Variants in NCKAP5 observed in about 807,000 individuals in gnomAD.
The protein encoded by NCKAP5 is NCK associated protein 5.
Under a neutral mutation model 167.0 loss-of-function variants are expected in NCKAP5, and 92 were observed. The ratio of observed to expected loss-of-function variants is 0.55; its 90% CI spans 0.47 to 0.66. NCKAP5 has a LOEUF of 0.66. NCKAP5 is among the 30% of genes least tolerant of loss of function. The pLI is 0.00. For synonymous variants in NCKAP5, 891 were observed against 877.4 expected (o/e 1.02, Z -0.27); for missense variants, 2,378 against 2,315.0 (o/e 1.03, Z -0.56).
chr2:133,465,434 G>C (rs1456351128), intron 3 of NCKAP5, among the ~76,000 whole-genome samples: 6 of 151,638 alleles, frequency 4.0e-5, no homozygotes, highest in Admixed American at 2.0e-4. Flanking sequence ...TTGGTTCCAA[G>C]TCTTTGCTAT....
intron 19 of NCKAP5, among the ~76,000 whole-genome samples, chr2:132,684,474 C>A (rs1260536382): frequency 6.6e-6 from 1 of 152,192 alleles, no homozygotes; most frequent in Non-Finnish European, 1.5e-5. Flanking sequence ...GATCGCCCAG[C>A]CTTTCCAGCT....
intron 7 of NCKAP5, among the ~76,000 whole-genome samples, chr2:132,967,127 G>A (rs1029028290): frequency 6.7e-6 from 1 of 150,286 alleles, no homozygotes; most frequent in African/African-American, 2.5e-5. Context: ...TGCAAATGCA[G>A]AATCTGCAAA....
At chr2:133,623,230 C>T in the NCKAP5 span, among the ~76,000 whole-genome samples, 1 of 152,180 alleles carries the variant, frequency 6.6e-6, no homozygotes, top group East Asian at 1.9e-4. Context: ...CTCTTCTAGA[C>T]ATTGGCTTAG....
intron 2 of NCKAP5, among the ~76,000 whole-genome samples, chr2:133,546,744 TGA>T (rs1419540159): frequency 6.6e-6 from 1 of 152,174 alleles, no homozygotes; most frequent in East Asian, 1.9e-4. Flanking sequence ...ATGAAAACTC[TGA>T]GAGACATAAT....
At chr2:133,299,774 T>G (rs1316406128) in intron 4 of NCKAP5, among the ~76,000 whole-genome samples, 1 of 152,086 alleles carries the variant, frequency 6.6e-6, no homozygotes, top group South Asian at 2.1e-4. Context: ...AATCAATGAC[T>G]TTAGGGGCTT....
chr2:133,570,107 G>A (rs147716809), upstream of NCKAP5, among the ~76,000 whole-genome samples: 826 of 152,336 alleles, frequency 5.4e-3, 6 homozygotes, highest in Middle Eastern at 0.024. Context: ...GAAGTAGGTT[G>A]TTGCTTACTG....
At chr2:133,492,162 T>TGTGTGTGTGTGTGTGTGTGTGTGTGC (rs1681519214) in intron 3 of NCKAP5, among the ~76,000 whole-genome samples, 2 of 151,916 alleles carry the variant, frequency 1.3e-5, no homozygotes, top group Non-Finnish European at 2.9e-5. Context: ...TGTGTGTGTG[T>TGTGTGTGTGTGTGTGTGTGTGTGTGC]GTGTGTGTTA....
Position 133,234,804 on chromosome 2 carries a change from C to T in NCKAP5, c.144-21025G>A, listed in dbSNP as rs147002811. 5.6e-3 allele frequency among the ~76,000 whole-genome samples: 846 copies of T among 151,618 alleles called. 8 individuals are homozygous for T. The highest frequency in any genetic ancestry group is 0.02 in the African/African-American group (810 of 41,402). On this transcript the variant is annotated intron_variant, in intron 4 of 19. Transcript: ENST00000409261. ...AGTTTTAAAGACTGACTTTACTTTT[C>T]AGAAAGATGAAAAATGTTAAGGAAA...
chr2:133,603,121 G>T, the NCKAP5 span, among the ~76,000 whole-genome samples: 1 of 151,912 alleles, frequency 6.6e-6, no homozygotes, highest in Non-Finnish European at 1.5e-5. Flanking sequence ...GGCAGGAGGT[G>T]AACTACAGAA....
chr2:133,276,363 T>G (rs2089731093), intron 4 of NCKAP5, among the ~76,000 whole-genome samples: 1 of 152,082 alleles, frequency 6.6e-6, no homozygotes, highest in Admixed American at 6.6e-5. Context: ...CTAACTCCTA[T>G]GTTGTTCAAG....
chr2:132,765,328 T>C (rs1330840488), intron 16 of NCKAP5, among the ~76,000 whole-genome samples: 1 of 149,746 alleles, frequency 6.7e-6, no homozygotes, highest in Non-Finnish European at 1.5e-5. Flanking sequence ...TTTTTTTTTT[T>C]TGAGACGGAG....
intron 3 of NCKAP5, among the ~76,000 whole-genome samples, chr2:133,403,858 T>C (rs1032712605): frequency 2.6e-5 from 4 of 151,950 alleles, no homozygotes; most frequent in African/African-American, 9.7e-5. Context: ...ATCAGTGGGG[T>C]TCCCATAAGC....
chr2:133,371,411 CAT>C (rs1166616729), intron 3 of NCKAP5, among the ~76,000 whole-genome samples: 2 of 152,204 alleles, frequency 1.3e-5, no homozygotes, highest in Non-Finnish European at 1.5e-5. Context: ...TTTAGATTTC[CAT>C]GAAAAGGAAT....
intron 5 of NCKAP5, among the ~76,000 whole-genome samples, chr2:133,142,627 G>A (rs987719705): frequency 1.3e-5 from 2 of 152,028 alleles, no homozygotes; most frequent in Non-Finnish European, 2.9e-5. Context: ...TTTTCCACAT[G>A]GACACATTAA....
rs760757641 is a variant in NCKAP5, at chr2:133,037,759, T to C, written c.342-43520A>G. 4.3e-4 allele frequency among the ~76,000 whole-genome samples: 66 copies of C among 152,040 alleles called. 2 individuals carry two copies. Among genetic ancestry groups the C allele is most frequent in the South Asian group, 2.1e-4 (1 of 4,830 alleles). On this transcript the variant is annotated intron_variant, in intron 6 of 19. Coordinates refer to ENST00000409261, the MANE Select transcript of NCKAP5 (RefSeq NM_207363.3). ...CAAACAATTCTTGAGCAATACCCCA[T>C]AAGCACAGGTTACCAAAGCAAAAAT...
intron 11 of NCKAP5, among the ~76,000 whole-genome samples, chr2:132,800,380 T>G (rs1480247116): frequency 6.6e-6 from 1 of 152,218 alleles, no homozygotes; most frequent in African/African-American, 2.4e-5. Flanking sequence ...ATTTTAGACA[T>G]GAAAAGTAGC....
chr2:133,320,285 C>T (rs1230777203), intron 3 of NCKAP5, among the ~76,000 whole-genome samples: 2 of 152,144 alleles, frequency 1.3e-5, no homozygotes, highest in Non-Finnish European at 2.9e-5. Flanking sequence ...CCCTTCCTGC[C>T]CCAGACTGAC....
intron 3 of NCKAP5, among the ~76,000 whole-genome samples, chr2:133,479,890 T>C (rs970212209): frequency 1.3e-5 from 2 of 151,828 alleles, no homozygotes; most frequent in Non-Finnish European, 2.9e-5. Flanking sequence ...GTGGAGGATA[T>C]GGGCATTGGG....
intron 4 of NCKAP5, among the ~76,000 whole-genome samples, chr2:133,266,627 C>G (rs970774750): frequency 6.6e-6 from 1 of 152,148 alleles, no homozygotes; most frequent in Non-Finnish European, 1.5e-5. Context: ...CGCTGCAGAG[C>G]CGGGAGTTGC....
Sources: allele counts gnomAD v4.1 joint callset (sites outside exome capture counted in the v4.1 genomes callset), GRCh38; gene constraint gnomAD v4.1.1; transcripts MANE v1.5; gene names NCBI Gene and HGNC (gene_info 2026-07-23, HGNC 2026-07-21).